GXYLT2: variants seen among roughly 807,000 people sequenced by gnomAD.
The protein encoded by GXYLT2 is glucoside xylosyltransferase 2, also known as glycosyltransferase 8 domain containing 4.
A neutral mutation model predicts 45.8 loss-of-function variants in GXYLT2; 53 were observed. The ratio of observed to expected loss-of-function variants is 1.16; its 90% CI spans 0.93 to 1.46. The LOEUF (loss-of-function observed/expected upper bound fraction) is 1.46. Ranked by LOEUF, GXYLT2 falls within the 40% of genes most tolerant of loss-of-function variation. The pLI is 0.00. For missense variants in GXYLT2, 551 were observed against 544.4 expected (o/e 1.01, Z -0.12); for synonymous variants, 219 against 214.2 (o/e 1.02, Z -0.19).
intron 1 of GXYLT2, among the ~76,000 whole-genome samples, chr3:72,902,579 G>C (rs532754290): frequency 6.6e-6 from 1 of 152,318 alleles, no homozygotes; most frequent in Admixed American, 6.5e-5. Flanking sequence ...GCTCACGCCT[G>C]TAATCCCAAT....
At chr3:72,923,430 G>T (rs1004984637) in intron 3 of GXYLT2, among the ~76,000 whole-genome samples, 2 of 151,718 alleles carry the variant, frequency 1.3e-5, no homozygotes, top group South Asian at 4.2e-4. Flanking sequence ...AGTAAATAAA[G>T]AAATAAAATT....
intron 2 of GXYLT2, 89 bp from the exon 3 acceptor site, chr3:72,922,115 A>C: frequency 8.3e-7 from 1 of 1,210,146 alleles, no homozygotes; most frequent in Non-Finnish European, 1.2e-6. Flanking sequence ...TGCCTGAATA[A>C]TTTCCATTTG....
At chr3:72,946,136 G>A (rs912720233) in intron 3 of GXYLT2, among the ~76,000 whole-genome samples, 1 of 151,756 alleles carries the variant, frequency 6.6e-6, no homozygotes, top group Non-Finnish European at 1.5e-5. Context: ...AATTAGCTAG[G>A]CCTGATGATA....
In GXYLT2 at chr3:72,940,891, G is replaced by A. The variant is rs60468165; in HGVS notation, c.601-14207G>A. On this transcript the variant is annotated intron_variant, in intron 3 of 6. Coordinates refer to ENST00000389617, the MANE Select transcript of GXYLT2 (RefSeq NM_001080393.2). Reference sequence around the variant, plus strand: ...AAGATTGGATCTGTATGTTGCCCAGGCTGGAACTGAACTCCTGGCCTCAAG... The same window carrying A: ...AAGATTGGATCTGTATGTTGCCCAGACTGGAACTGAACTCCTGGCCTCAAG... Among the ~76,000 whole-genome samples the A allele has an allele frequency of 6.9e-3, 1,043 of 152,178 alleles. 11 individuals are homozygous for A. Among genetic ancestry groups the A allele is most frequent in the African/African-American group, 0.024 (987 of 41,498 alleles).
intron 3 of GXYLT2, among the ~76,000 whole-genome samples, chr3:72,944,078 T>G (rs1710353916): frequency 6.7e-6 from 1 of 149,122 alleles, no homozygotes; most frequent in Admixed American, 6.6e-5. Flanking sequence ...ATTTTCATTA[T>G]ATTCAAGTCT....
chr3:72,948,053 C>T (rs574437910), intron 3 of GXYLT2, among the ~76,000 whole-genome samples: 1 of 152,222 alleles, frequency 6.6e-6, no homozygotes, highest in South Asian at 2.1e-4. Context: ...GTTGGAGATT[C>T]CAACATTCCT....
intron 3 of GXYLT2, 68 bp downstream of exon 3, chr3:72,922,403 G>A: frequency 6.7e-7 from 1 of 1,484,774 alleles, no homozygotes; most frequent in Non-Finnish European, 9.1e-7. Context: ...GCTGAGATGT[G>A]TGTAGAAACA....
At chr3:72,958,875 G>A (rs182386439) in intron 5 of GXYLT2, among the ~76,000 whole-genome samples, 307 of 151,204 alleles carry the variant, frequency 2.0e-3, no homozygotes, top group Non-Finnish European at 3.7e-3. Context: ...CAGGTGATCT[G>A]CCCACCTCCT....
chr3:72,907,643 G>T (rs1709537322), intron 1 of GXYLT2, among the ~76,000 whole-genome samples: 1 of 151,992 alleles, frequency 6.6e-6, no homozygotes, highest in Non-Finnish European at 1.5e-5. Flanking sequence ...GTCAGCTGTT[G>T]ACTCAATATT....
intron 2 of GXYLT2, 24 bp downstream of exon 2, chr3:72,908,583 C>CAGTGTTTA (rs11283456): frequency 0.12 from 182,637 of 1,566,680 alleles, 15,371 homozygotes; most frequent in African/African-American, 0.43. Context: ...AATCATGGCA[C>CAGTGTTTA]AGTGTTTACT....
At chr3:72,895,650 TAAAA>T (rs1340347103) in intron 1 of GXYLT2, among the ~76,000 whole-genome samples, 2 of 152,210 alleles carry the variant, frequency 1.3e-5, no homozygotes, top group Non-Finnish European at 2.9e-5. Flanking sequence ...TTACAAATAA[TAAAA>T]AGAAAAGAGA....
chr3:72,962,389 TTGG>T (rs1416165409), intron 5 of GXYLT2, among the ~76,000 whole-genome samples: 1 of 152,024 alleles, frequency 6.6e-6, no homozygotes, highest in Admixed American at 6.6e-5. Flanking sequence ...TTAAATGGAG[TTGG>T]TGTTCAGAAG....
intron 3 of GXYLT2, among the ~76,000 whole-genome samples, chr3:72,952,881 C>T (rs548523056): frequency 1.3e-5 from 2 of 152,206 alleles, no homozygotes; most frequent in South Asian, 4.1e-4. Context: ...GTTGGGGACA[C>T]AGACATTCAG....
Position 72,888,280 on chromosome 3 carries a change from C to T in GXYLT2, c.47C>T (p.Ala16Val). 1 of 994,606 alleles carries T rather than the reference C, an allele frequency of 1.0e-6. No individual in the cohort carries two copies. The highest frequency in any genetic ancestry group is 1.2e-6 in the Non-Finnish European group (1 of 838,574). 61.6% of individuals were successfully genotyped at this position (994,606 alleles called of 1,614,324 possible). Residue 16 changes from alanine (A) to valine (V), a missense_variant, in exon 1 of 7, where the codon GCC becomes GTC. Physicochemically the swap from Ala to Val is moderately conservative, Grantham distance 64 (BLOSUM62 0). Coordinates refer to ENST00000389617, the MANE Select transcript of GXYLT2 (RefSeq NM_001080393.2). ...GCGGCGCTGCTCTTGCTCGCGCTGG[C>T]CGCGCTGCTGCTGGCGCTGCTGTCC... The part of the protein sequence containing the change: ...KAAALLLLAL[A>V]ALLLALLSLR...
At chr3:72,935,421 C>T (rs180994429) in intron 3 of GXYLT2, among the ~76,000 whole-genome samples, 6 of 152,210 alleles carry the variant, frequency 3.9e-5, no homozygotes, top group South Asian at 4.1e-4. Flanking sequence ...GAAAAATCAA[C>T]GCACAGGATA....
intron 3 of GXYLT2, among the ~76,000 whole-genome samples, chr3:72,945,656 A>G (rs945339291): frequency 3.3e-5 from 5 of 152,192 alleles, no homozygotes; most frequent in African/African-American, 1.2e-4. Context: ...TTCAAGAATA[A>G]TGAGTGAAGT....
At chr3:72,892,210 T>C (rs980803294) in intron 1 of GXYLT2, among the ~76,000 whole-genome samples, 2 of 152,242 alleles carry the variant, frequency 1.3e-5, no homozygotes, top group Admixed American at 6.5e-5. Flanking sequence ...TCATCAAGTT[T>C]AGCAGCAAAA....
chr3:72,968,013 A>G (rs1710899837), intron 6 of GXYLT2, among the ~76,000 whole-genome samples: 1 of 152,078 alleles, frequency 6.6e-6, no homozygotes, highest in African/African-American at 2.4e-5. Context: ...TTGCTCTGTT[A>G]CCCAGGCTGG....
chr3:72,912,611 AAAAG>A (rs1709654301), intron 2 of GXYLT2, among the ~76,000 whole-genome samples: 1 of 152,236 alleles, frequency 6.6e-6, no homozygotes, highest in Non-Finnish European at 1.5e-5. Context: ...ATGTGACAAA[AAAAG>A]GATACAGCTT....
Sources: gnomAD v4.1 joint callset for allele counts (sites outside exome capture counted in the v4.1 genomes callset) on GRCh38, gnomAD v4.1.1 for gene constraint, MANE v1.5 for transcripts, NCBI Gene and HGNC (gene_info 2026-07-23, HGNC 2026-07-21) for gene names.